NUAK2: variants seen among roughly 807,000 people sequenced by gnomAD.
The protein encoded by NUAK2 is NUAK family SNF1-like kinase 2.
Under a neutral mutation model 29.8 loss-of-function variants are expected in NUAK2, and 20 were observed. The observed-to-expected ratio is 0.67, with a 90% CI of 0.47 to 0.98. The LOEUF is 0.98. NUAK2 is among the 50% of genes least tolerant of loss of function. The pLI, the probability that NUAK2 is intolerant of heterozygous loss-of-function variation, is 0.00. For synonymous variants in NUAK2, 331 were observed against 342.6 expected (o/e 0.97, Z 0.37); for missense variants, 719 against 834.5 (o/e 0.86, Z 1.71).
Position 205,321,480 on chromosome 1 carries a change from C to T in NUAK2, c.149G>A (p.Arg50Gln). 6.2e-7 allele frequency: 1 copy of T among 1,613,994 alleles called. No individual in the cohort carries two copies. The highest frequency in any genetic ancestry group is 8.5e-7 in the Non-Finnish European group (1 of 1,179,892). Residue 50 changes from arginine to glutamine, a missense_variant, in exon 1 of 7, where the codon CGG (arginine) becomes CAG (glutamine). By Grantham distance (43) the Arg-to-Gln change is conservative (BLOSUM62 1). This residue lies in a region of NUAK2 where 283 missense variants were observed against 345.6 expected (regional missense o/e 0.82). Transcript: ENST00000367157. ...GGTCTCCAGGAACTCGTAGCGGTGCCGCAGGTTGTGCTTGTGGTGGTGCCG... is the reference window on the plus strand; with the variant it reads ...GGTCTCCAGGAACTCGTAGCGGTGCTGCAGGTTGTGCTTGTGGTGGTGCCG... ...VKRHHHKHNLRHRYEFLETLG... is the reference protein window; with the variant it reads ...VKRHHHKHNLQHRYEFLETLG...
At position 205,302,548 on chromosome 1, in the gene NUAK2, G is replaced by T. The variant is rs886666759; in HGVS notation, c.*902C>A. ...CAGGTTTGGAGGATGGAAAAGGGAA[G>T]AGAACCATTGAAGAAACAGAGATTG... On this transcript the variant is annotated 3_prime_UTR_variant, in exon 7 of 7. Transcript: ENST00000367157. 1 of 152,368 alleles carries T rather than the reference G, an allele frequency of 6.6e-6. No homozygotes were observed. Among genetic ancestry groups the T allele is most frequent in the African/African-American group, 2.4e-5 (1 of 41,458 alleles). 9.4% of individuals were successfully genotyped at this position (152,368 alleles called of 1,614,324 possible).
intron 4 of NUAK2, among the ~76,000 whole-genome samples, chr1:205,307,161 G>T (rs1414454943): frequency 2.0e-5 from 3 of 152,112 alleles, no homozygotes; most frequent in Admixed American, 2.0e-4. Flanking sequence ...ATGCCCTGGT[G>T]CTCCCCACCT....
intron 1 of NUAK2, among the ~76,000 whole-genome samples, chr1:205,320,343 C>A (rs1367758298): frequency 6.6e-6 from 1 of 152,218 alleles, no homozygotes; most frequent in African/African-American, 2.4e-5. Flanking sequence ...CGGCTCACTG[C>A]AAGCTCCGCC....
At chr1:205,310,724 T>G (rs1199185687) in intron 2 of NUAK2, among the ~76,000 whole-genome samples, 1 of 152,152 alleles carries the variant, frequency 6.6e-6, no homozygotes, top group Non-Finnish European at 1.5e-5. Context: ...ACACTCAGCC[T>G]GGCTTAACCA....
Position 205,303,270 on chromosome 1 carries a change from C to T in NUAK2, c.*180G>A. Reference sequence around the variant, plus strand: ...CAGGGCTGAAGACAGACACTGAACCCTTGGCGCATTTCATTTGCCTACTTC... The same window carrying T: ...CAGGGCTGAAGACAGACACTGAACCTTTGGCGCATTTCATTTGCCTACTTC... On this transcript the variant is annotated 3_prime_UTR_variant, in exon 7 of 7. Transcript: ENST00000367157. 2.0e-6 allele frequency: 1 copy of T among 510,060 alleles called. No individual in the cohort carries two copies. The highest frequency in any genetic ancestry group is 2.0e-5 in the African/African-American group (1 of 51,014). 31.6% of individuals were successfully genotyped at this position (510,060 alleles called of 1,614,324 possible).
chr1:205,305,302 G>A lies in NUAK2; in HGVS notation c.720C>T (p.Leu240=). The part of the protein sequence containing the change: ...EVDSWSLGVL[L]YILVHGTMPF... ...GCATGGTGCCATGCACCAGGATGTA[G>A]AGGAGAACACCCAGGGACCAGCTGT... Residue 240 remains leucine (L), a synonymous_variant, in exon 6 of 7, where the codon CTC becomes CTT. Coordinates refer to ENST00000367157, the MANE Select transcript of NUAK2 (RefSeq NM_030952.3). 1.9e-6 allele frequency: 3 copies of A among 1,614,090 alleles called. No homozygotes were observed. Among genetic ancestry groups the A allele is most frequent in the South Asian group, 1.1e-5 (1 of 91,064 alleles).
At chr1:205,318,450 G>A (rs1201955439) in intron 1 of NUAK2, among the ~76,000 whole-genome samples, 3 of 152,220 alleles carry the variant, frequency 2.0e-5, no homozygotes, top group African/African-American at 7.2e-5. Context: ...TACAGGATAA[G>A]TCACTTCCCC....
intron 1 of NUAK2, among the ~76,000 whole-genome samples, chr1:205,313,172 G>A (rs1313299291): frequency 6.6e-6 from 1 of 151,656 alleles, no homozygotes; most frequent in Non-Finnish European, 1.5e-5. Context: ...TAACGCTACT[G>A]GTACACTTAA....
At position 205,304,234 on chromosome 1, in the gene NUAK2, A is replaced by G. The variant is rs771923120; in HGVS notation, c.1103T>C (p.Leu368Pro). 6 of 1,614,036 alleles carry G rather than the reference A, an allele frequency of 3.7e-6. No homozygotes were observed. The Admixed American group carries it at 6.7e-5, about 18-fold the overall frequency. ...APGGGSTTPG[L>P]ERQHSLKKSR... is the part of the protein sequence containing the mutation. ...CTTCTTGAGCGAATGCTGGCGCTCC[A>G]GGCCAGGGGTGGTGCTTCCCCCACC... Residue 368 changes from leucine (L) to proline (P), a missense_variant, in exon 7 of 7, where the codon CTG becomes CCG. By Grantham distance (98) the Leu-to-Pro change is moderately conservative. This residue lies in a region of NUAK2 where 430 missense variants were observed against 465.7 expected (regional missense o/e 0.92). Transcript: ENST00000367157. This position sits in a 1 kb window ranked among gnomAD's most constrained non-coding sequence, Gnocchi z 6.5.
Position 205,308,289 on chromosome 1 carries a change from G to T in NUAK2, c.505-59C>A. The T allele has an allele frequency of 1.5e-6, 2 of 1,296,240 alleles. No individual in the cohort carries two copies. The highest frequency in any genetic ancestry group is 1.1e-6 in the Non-Finnish European group (1 of 924,846). The allele number at this position is 1,296,240 out of a possible 1,614,324, so 80.3% of individuals were successfully genotyped here. Reference sequence around the variant, plus strand: ...ACCAGGGAAGGGAAGATGATGAGGGGCCCAGTCTGGAGACTGAGGTAAACA... The same window carrying T: ...ACCAGGGAAGGGAAGATGATGAGGGTCCCAGTCTGGAGACTGAGGTAAACA... On this transcript the variant is annotated intron_variant, in intron 3 of 6. Transcript: ENST00000367157. This position sits in a 1 kb window ranked among gnomAD's most constrained non-coding sequence, Gnocchi z 4.1.
chr1:205,305,453 C>T (rs2275870), intron 5 of NUAK2, 122 bp from the exon 6 acceptor site: 37,357 of 1,444,298 alleles, frequency 0.026, 1,791 homozygotes, highest in African/African-American at 0.16. Flanking sequence ...GGGGCCAAGA[C>T]GGGGATGCTG....
In NUAK2 at chr1:205,303,429, C is replaced by A; in HGVS notation, c.*21G>T. On this transcript the variant is annotated 3_prime_UTR_variant, in exon 7 of 7. Coordinates refer to ENST00000367157, the MANE Select transcript of NUAK2 (RefSeq NM_030952.3). ...AGCTGCATCTGAGAGCCTGACCGGG[C>A]TGGGGCAATGCCTACTCCACTCAGG... 6.6e-7 allele frequency: 1 copy of A among 1,524,832 alleles called. No individual in the cohort carries two copies. Among genetic ancestry groups the A allele is most frequent in the Non-Finnish European group, 8.8e-7 (1 of 1,134,472 alleles). The allele number at this position is 1,524,832 out of a possible 1,614,324, so 94.5% of individuals were successfully genotyped here. A position where few individuals can be genotyped will look rare whatever the true frequency, so the allele number is the denominator to read the frequency against.
intron 4 of NUAK2, among the ~76,000 whole-genome samples, chr1:205,306,699 A>G (rs1662185507): frequency 6.6e-6 from 1 of 152,162 alleles, no homozygotes; most frequent in Non-Finnish European, 1.5e-5. Context: ...TCTGCCTTCC[A>G]GACAGACTGT....
intron 2 of NUAK2, among the ~76,000 whole-genome samples, chr1:205,311,031 G>A (rs902077665): frequency 6.6e-6 from 1 of 152,116 alleles, no homozygotes; most frequent in African/African-American, 2.4e-5. Flanking sequence ...GTAAAGTCTC[G>A]ACGCAGACAG....
In NUAK2 at chr1:205,304,495, C is replaced by G. The variant is rs765807541; in HGVS notation, c.842G>C (p.Arg281Pro). 1 of 1,514,582 alleles carries G rather than the reference C, an allele frequency of 6.6e-7. No homozygotes were observed. Among genetic ancestry groups the G allele is most frequent in the Non-Finnish European group, 8.8e-7 (1 of 1,132,282 alleles). 93.8% of individuals were successfully genotyped at this position (1,514,582 alleles called of 1,614,324 possible). ...PKPSDACGLI[R>P]WLLMVNPTRR... Reference sequence around the variant, plus strand: ...GGTGGGGTTCACCATCAACAGCCACCGGATCAGGCCACAGGCATCTGGAAG... The same window carrying G: ...GGTGGGGTTCACCATCAACAGCCACGGGATCAGGCCACAGGCATCTGGAAG... Residue 281 changes from arginine to proline, a missense_variant, in exon 7 of 7, where the codon CGG (arginine) becomes CCG (proline). Transcript: ENST00000367157. This position sits in a 1 kb window ranked among gnomAD's most constrained non-coding sequence, Gnocchi z 6.5.
chr1:205,316,182 C>T (rs565190500), intron 1 of NUAK2, among the ~76,000 whole-genome samples: 1 of 152,318 alleles, frequency 6.6e-6, no homozygotes, highest in South Asian at 2.1e-4. Flanking sequence ...TGCAACTCAA[C>T]ATAAGTCACT....
intron 1 of NUAK2, among the ~76,000 whole-genome samples, chr1:205,315,727 G>C (rs1662317505): frequency 6.6e-6 from 1 of 152,068 alleles, no homozygotes; most frequent in Admixed American, 6.6e-5. Flanking sequence ...ACAAAAATTA[G>C]CTGGGCCTGG....
chr1:205,318,746 G>A (rs1558676710), intron 1 of NUAK2, among the ~76,000 whole-genome samples: 1 of 152,218 alleles, frequency 6.6e-6, no homozygotes, highest in African/African-American at 2.4e-5. Context: ...GTGAGTCCCA[G>A]GAGGAAATGT....
chr1:205,307,688 G>A (rs140038831), intron 4 of NUAK2, among the ~76,000 whole-genome samples: 2 of 152,350 alleles, frequency 1.3e-5, no homozygotes, highest in African/African-American at 4.8e-5. Flanking sequence ...GCAGAAAGCA[G>A]GAAGCTGGAG....
Sources: allele counts gnomAD v4.1 joint callset (sites outside exome capture counted in the v4.1 genomes callset), GRCh38; gene constraint gnomAD v4.1.1; regional missense constraint gnomAD v4.1.1; non-coding constraint Gnocchi (gnomAD v3.1); transcripts MANE v1.5; gene names NCBI Gene and HGNC (gene_info 2026-07-23, HGNC 2026-07-21).